DDX60: variants seen among roughly 807,000 people sequenced by gnomAD.
DDX60 encodes the protein DExD/H-box helicase 60.
Under a neutral mutation model 212.8 loss-of-function variants are expected in DDX60, and 165 were observed. The observed-to-expected ratio is 0.78, with a 90% CI of 0.68 to 0.88. The LOEUF is 0.88. Among genes scored for constraint, DDX60 ranks in the 40% least tolerant of loss-of-function variants. The pLI is 0.00. For missense variants in DDX60, 1,905 were observed against 2,003.9 expected, an observed-to-expected ratio of 0.95 and a Z score of 0.94; for synonymous variants, 703 against 685.3, an observed-to-expected ratio of 1.03 and a Z score of -0.40.
At chr4:168,255,687 C>G in intron 26 of DDX60, 24 bp downstream of exon 26, 2 of 1,553,492 alleles carry the variant, frequency 1.3e-6, no homozygotes, top group Non-Finnish European at 1.7e-6. Context: ...CTCTACTTAT[C>G]AATTTGTTTA....
intron 7 of DDX60, among the ~76,000 whole-genome samples, 189 bp from the exon 8 acceptor site, chr4:168,292,095 C>G (rs1378223952): frequency 6.9e-6 from 1 of 145,100 alleles, no homozygotes; most frequent in African/African-American, 2.6e-5. Context: ...TTCACCCAGG[C>G]TGGAGTGAAG....
intron 30 of DDX60, 135 bp from the exon 31 acceptor site, chr4:168,237,930 A>G (rs1256749222): frequency 1.6e-6 from 1 of 610,404 alleles, no homozygotes; most frequent in Non-Finnish European, 2.6e-6. Context: ...ATTTGATTTC[A>G]TATTATTTTA....
At chr4:168,317,741 T>C (rs1737461245) in intron 1 of DDX60, among the ~76,000 whole-genome samples, 1 of 152,222 alleles carries the variant, frequency 6.6e-6, no homozygotes, top group Non-Finnish European at 1.5e-5. Flanking sequence ...AAGAGGCTTA[T>C]ACCTTCTTTA....
upstream of DDX60, among the ~76,000 whole-genome samples, chr4:168,321,341 C>A (rs940797547): frequency 1.3e-5 from 2 of 152,152 alleles, no homozygotes; most frequent in Admixed American, 1.3e-4. Flanking sequence ...TCTTAATTAA[C>A]ATGTTCAACT....
At position 168,251,095 on chromosome 4, in the gene DDX60, C is replaced by G. The variant is rs765935926; in HGVS notation, c.3717G>C (p.Lys1239Asn). The G allele has an allele frequency of 6.2e-7, 1 of 1,610,886 alleles. No homozygotes were observed. Among genetic ancestry groups the G allele is most frequent in the Non-Finnish European group, 8.5e-7 (1 of 1,179,316 alleles). Reference protein sequence around the residue: ...QKAVDTETLQKVFGRVKFERK... With the variant: ...QKAVDTETLQNVFGRVKFERK... ...TTTCAAATTTTACTCGACCAAATAC[C>G]TTCTGCAAAGTCTAAAAGAAGCAAG... Residue 1239 changes from lysine (K) to asparagine (N), a missense_variant, in exon 28 of 38, where the codon AAG becomes AAC. By Grantham distance (94) the Lys-to-Asn change is moderately conservative (BLOSUM62 0). Coordinates refer to ENST00000393743, the MANE Select transcript of DDX60 (RefSeq NM_017631.6).
Position 168,283,566 on chromosome 4 carries a change from C to T in DDX60, c.1602G>A (p.Lys534=), listed in dbSNP as rs778201015. 6.2e-7 allele frequency: 1 copy of T among 1,613,286 alleles called. No individual in the cohort carries two copies. Among genetic ancestry groups the T allele is most frequent in the Admixed American group, 1.7e-5 (1 of 59,972 alleles). The part of the protein sequence containing the change: ...RDPRVLRSVQ[K]YHVFQRFYGN... ...CATAAAACCGTTGGAAAACATGATA[C>T]TTTTGCACAGATCTAAGAACACGAG... is the stretch of plus-strand genomic sequence containing the variant. Residue 534 remains lysine (K), a synonymous_variant, in exon 13 of 38, where the codon AAG becomes AAA. Transcript: ENST00000393743.
intron 1 of DDX60, among the ~76,000 whole-genome samples, chr4:168,311,574 G>A (rs1037632841): frequency 3.9e-5 from 6 of 152,102 alleles, no homozygotes; most frequent in African/African-American, 1.4e-4. Flanking sequence ...AGAGGTCAGA[G>A]GAAGTTTCCC....
intron 10 of DDX60, 32 bp from the exon 11 acceptor site, chr4:168,285,530 G>T: frequency 7.3e-7 from 1 of 1,375,656 alleles, no homozygotes; most frequent in Non-Finnish European, 1.0e-6. Context: ...TTGAGACAAG[G>T]TCAAATGTAA....
At chr4:168,285,709 A>T (rs1348824590) in intron 10 of DDX60, among the ~76,000 whole-genome samples, 1 of 150,436 alleles carries the variant, frequency 6.6e-6, no homozygotes, top group Admixed American at 6.6e-5. Flanking sequence ...GCATTTTGGC[A>T]TATATGTGGA....
intron 3 of DDX60, among the ~76,000 whole-genome samples, chr4:168,309,217 C>T (rs1334161443): frequency 6.6e-6 from 1 of 152,134 alleles, no homozygotes; most frequent in African/African-American, 2.4e-5. Context: ...GCGTATTTTT[C>T]CATCATGTTT....
rs76603259 is a variant in DDX60 at position 168,224,130 on chromosome 4, T to C, written c.4824+113A>G. 4.1e-6 allele frequency: 4 copies of C among 980,072 alleles called. No homozygotes were observed. In the Admixed American group the frequency reaches 8.1e-5, roughly 20 times the overall value. The allele number at this position is 980,072 out of a possible 1,614,324, so 60.7% of individuals were successfully genotyped here. Reference sequence around the variant, plus strand: ...GAATATATCTGTTGATACACCCAGATTTTTTTTTTCCTTTTTAAGCTGGGA... The same window carrying C: ...GAATATATCTGTTGATACACCCAGACTTTTTTTTTCCTTTTTAAGCTGGGA... On this transcript the variant is annotated intron_variant, in intron 35 of 37. Transcript: ENST00000393743.
chr4:168,262,189 C>T, intron 23 of DDX60, 61 bp from the exon 24 acceptor site: 2 of 1,522,724 alleles, frequency 1.3e-6, no homozygotes, highest in Non-Finnish European at 1.8e-6. Flanking sequence ...AAGTATTTCT[C>T]AATTATATGC....
At chr4:168,282,461 AT>A (rs1309420813) in intron 13 of DDX60, among the ~76,000 whole-genome samples, 3 of 152,168 alleles carry the variant, frequency 2.0e-5, no homozygotes, top group African/African-American at 7.2e-5. Flanking sequence ...AAATAAAAAT[AT>A]TTTTTGAGGT....
chr4:168,245,646 C>T (rs1733994801), intron 30 of DDX60, among the ~76,000 whole-genome samples: 1 of 152,132 alleles, frequency 6.6e-6, no homozygotes, highest in African/African-American at 2.4e-5. Flanking sequence ...ATCCCCCCTT[C>T]AGAAAACAGT....
Position 168,216,961 on chromosome 4 carries a change from G to C in DDX60, c.5111C>G (p.Thr1704Ser). 1 of 1,602,782 alleles carries C rather than the reference G, an allele frequency of 6.2e-7. No homozygotes were observed. The highest frequency in any genetic ancestry group is 8.5e-7 in the Non-Finnish European group (1 of 1,176,432). The change falls in exon 38 of 38, where the codon ACT (threonine) becomes AGT (serine). Residue 1704 changes from threonine to serine, a missense_variant. Transcript: ENST00000393743. ...VVLAFEQLST[T>S]FWEKLNKV Reference sequence around the variant, plus strand: ...GACTTTGTTTAACTTTTCCCAAAAAGTTGTACTCAGTTGTTCAAAGGCTAA... The same window carrying C: ...GACTTTGTTTAACTTTTCCCAAAAACTTGTACTCAGTTGTTCAAAGGCTAA...
At chr4:168,226,362 G>A (rs1375772049) in intron 33 of DDX60, among the ~76,000 whole-genome samples, 1 of 151,970 alleles carries the variant, frequency 6.6e-6, no homozygotes, top group Admixed American at 6.6e-5. Flanking sequence ...TAGGTCATGA[G>A]GGTGGAGTCC....
chr4:168,313,703 A>C (rs928165269), intron 1 of DDX60, among the ~76,000 whole-genome samples: 1 of 152,206 alleles, frequency 6.6e-6, no homozygotes, highest in Non-Finnish European at 1.5e-5. Flanking sequence ...CCAGATGTTC[A>C]CGATGCTCTT....
intron 28 of DDX60, among the ~76,000 whole-genome samples, chr4:168,249,624 T>G (rs534216006): frequency 6.6e-6 from 1 of 152,204 alleles, no homozygotes; most frequent in Non-Finnish European, 1.5e-5. Flanking sequence ...CTATTAGTAA[T>G]TGAGCAACTA....
At chr4:168,237,848 G>A (rs1419845243) in intron 30 of DDX60, 53 bp from the exon 31 acceptor site, 39 of 1,298,858 alleles carry the variant, frequency 3.0e-5, no homozygotes, top group African/African-American at 9.0e-5. Context: ...TACGAAATAC[G>A]TTTGAAAATG....
Sources: allele counts gnomAD v4.1 joint callset (sites outside exome capture counted in the v4.1 genomes callset), GRCh38; gene constraint gnomAD v4.1.1; transcripts MANE v1.5; gene names NCBI Gene and HGNC (gene_info 2026-07-23, HGNC 2026-07-21).